TDG: variants seen among roughly 807,000 people sequenced by gnomAD.
TDG encodes G/T mismatch-specific thymine DNA glycosylase.
TDG carries 23 observed loss-of-function variants against 46.1 expected under a neutral mutation model. The ratio of observed to expected loss-of-function variants is 0.50; its 90% CI spans 0.36 to 0.71. TDG has a LOEUF of 0.71. Among genes scored for constraint, TDG ranks in the 30% least tolerant of loss-of-function variants. The pLI is 0.00. For missense variants in TDG, 304 were observed against 486.7 expected, an observed-to-expected ratio of 0.62 and a Z score of 3.53; for synonymous variants, 115 against 161.3, an observed-to-expected ratio of 0.71 and a Z score of 2.18.
intron 2 of TDG, among the ~76,000 whole-genome samples, chr12:103,979,547 G>A (rs529685154): frequency 6.6e-6 from 1 of 152,208 alleles, no homozygotes; most frequent in Non-Finnish European, 1.5e-5. Flanking sequence ...GTATCCTTGA[G>A]GAGGTTAAGA....
intron 1 of TDG, among the ~76,000 whole-genome samples, chr12:103,969,079 G>A (rs2136231563): frequency 6.6e-6 from 1 of 152,340 alleles, no homozygotes; most frequent in South Asian, 2.1e-4. Flanking sequence ...GAAGGATGCT[G>A]GCAGGAGGTA....
intron 1 of TDG, among the ~76,000 whole-genome samples, chr12:103,967,635 T>G (rs1483205362): frequency 6.6e-6 from 1 of 151,838 alleles, no homozygotes; most frequent in Non-Finnish European, 1.5e-5. Flanking sequence ...TTTTGTATTT[T>G]TAGTAGAGAC....
chr12:103,986,856 G>T, intron 9 of TDG, 92 bp from the exon 10 acceptor site: 2 of 1,426,984 alleles, frequency 1.4e-6, no homozygotes. Flanking sequence ...CTGCATTCCA[G>T]CCTGGGCGAT....
chr12:103,974,772 C>T (rs1871446290), intron 1 of TDG, among the ~76,000 whole-genome samples: 1 of 151,878 alleles, frequency 6.6e-6, no homozygotes, highest in African/African-American at 2.4e-5. Context: ...AGATTGAGAC[C>T]ATCCTGGCTA....
At chr12:103,982,354 C>A (rs1171257109) in intron 4 of TDG, among the ~76,000 whole-genome samples, 1 of 152,142 alleles carries the variant, frequency 6.6e-6, no homozygotes, top group Non-Finnish European at 1.5e-5. Flanking sequence ...GGTGGTATCA[C>A]CAATTGTAAA....
At chr12:103,975,548 G>C (rs1285621228) in intron 1 of TDG, among the ~76,000 whole-genome samples, 1 of 152,148 alleles carries the variant, frequency 6.6e-6, no homozygotes, top group South Asian at 2.1e-4. Context: ...ACTTGTGACA[G>C]AGAGATAGGA....
At chr12:103,976,807 G>A (rs1438942480) in intron 1 of TDG, 111 bp from the exon 2 acceptor site, 2 of 1,311,732 alleles carry the variant, frequency 1.5e-6, no homozygotes, top group East Asian at 2.4e-5. Flanking sequence ...AAATACTTCA[G>A]TCTGGTTACA....
At chr12:103,969,682 G>A (rs1438057058) in intron 1 of TDG, among the ~76,000 whole-genome samples, 2 of 152,324 alleles carry the variant, frequency 1.3e-5, no homozygotes, top group South Asian at 2.1e-4. Context: ...GTGATAAAGT[G>A]TGGAATGAGG....
rs769371504 is a variant in TDG at position 103,983,236 on chromosome 12, AT to A, written c.697+28del. The A allele has an allele frequency of 7.0e-4, 1,072 of 1,526,536 alleles. 1 individual carries two copies. The highest frequency in any genetic ancestry group is 2.1e-3 in the Admixed American group (101 of 48,128). The allele number at this position is 1,526,536 out of a possible 1,614,324, so 94.6% of individuals were successfully genotyped here. ...TGGAAAATGTAAGATTTACTTTTAA[AT>A]TTTTTTTTTCTTTGCTAACATTATG... On this transcript the variant is annotated intron_variant, in intron 6 of 9. Coordinates refer to ENST00000392872, the MANE Select transcript of TDG (RefSeq NM_003211.6).
chr12:103,974,671 A>G (rs2723875), intron 1 of TDG, among the ~76,000 whole-genome samples: 1 of 151,954 alleles, frequency 6.6e-6, no homozygotes, highest in African/African-American at 2.4e-5. Context: ...AGTATCTTGC[A>G]GTAGAAAACA....
Position 103,983,217 on chromosome 12 carries a change from A to G in TDG, c.696A>G (p.Lys232=). 6.3e-7 allele frequency: 1 copy of G among 1,595,214 alleles called. No homozygotes were observed. The change falls in exon 6 of 10, where the codon AAA becomes AAG. Residue 232 remains lysine (K), a splice_region_variant and synonymous_variant. Coordinates refer to ENST00000392872, the MANE Select transcript of TDG (RefSeq NM_003211.6). The stretch of plus-strand genomic sequence containing the variant: ...CACGAATAGCAGTGTTTAATGGAAA[A>G]TGTAAGATTTACTTTTAAATTTTTT... ...YQPRIAVFNG[K]CIYEIFSKEV...
chr12:103,984,646 A>G (rs1224514670), intron 7 of TDG, 103 bp from the exon 8 acceptor site: 17 of 875,814 alleles, frequency 1.9e-5, no homozygotes, highest in Middle Eastern at 4.5e-4. Context: ...TATGTAGTTA[A>G]GTATCAAGTT....
At chr12:103,976,303 G>A (rs894252323) in intron 1 of TDG, among the ~76,000 whole-genome samples, 15 of 152,058 alleles carry the variant, frequency 9.9e-5, no homozygotes, top group African/African-American at 3.6e-4. Context: ...TACTTGGGAG[G>A]CTGAGGTGGG....
At chr12:103,970,592 G>A (rs1017869648) in intron 1 of TDG, among the ~76,000 whole-genome samples, 2 of 151,904 alleles carry the variant, frequency 1.3e-5, no homozygotes, top group South Asian at 2.1e-4. Context: ...TTGAAATACA[G>A]CAAATCTAGC....
chr12:103,967,456 CTTTT>C (rs35778626), intron 1 of TDG, among the ~76,000 whole-genome samples: 1 of 121,356 alleles, frequency 8.2e-6, no homozygotes, highest in Admixed American at 8.9e-5. Context: ...AATAAATTTA[CTTTT>C]TTTTTTTTTT....
At chr12:103,971,750 A>G (rs149985732) in intron 1 of TDG, among the ~76,000 whole-genome samples, 32 of 152,304 alleles carry the variant, frequency 2.1e-4, no homozygotes, top group African/African-American at 7.0e-4. Context: ...AATAAAATCA[A>G]TCGTGCTTGT....
chr12:103,981,723 G>A (rs1307838249), intron 4 of TDG, among the ~76,000 whole-genome samples: 1 of 152,098 alleles, frequency 6.6e-6, no homozygotes, highest in Non-Finnish European at 1.5e-5. Flanking sequence ...TTAAAACCAA[G>A]TGTTGGCTGG....
intron 1 of TDG, among the ~76,000 whole-genome samples, chr12:103,968,414 T>C (rs4135048): frequency 0.76 from 115,811 of 152,100 alleles, 44,361 homozygotes; most frequent in East Asian, 1. Flanking sequence ...TGGTTAGATG[T>C]TGACAACAAG....
chr12:103,979,275 G>A (rs1871698386), intron 2 of TDG, among the ~76,000 whole-genome samples: 1 of 151,664 alleles, frequency 6.6e-6, no homozygotes, highest in Admixed American at 6.6e-5. Context: ...GCTAATTTTT[G>A]TATTTTTAGT....
Sources: gnomAD v4.1 joint callset for allele counts (sites outside exome capture counted in the v4.1 genomes callset) on GRCh38, gnomAD v4.1.1 for gene constraint, MANE v1.5 for transcripts, NCBI Gene and HGNC (gene_info 2026-07-23, HGNC 2026-07-21) for gene names.